Variants in CSMD1 observed in about 807,000 individuals in gnomAD.
CSMD1 encodes the protein CUB and Sushi multiple domains 1.
CSMD1 carries 213 observed loss-of-function variants against 417.5 expected under a neutral mutation model. The observed-to-expected ratio is 0.51, with a 90% confidence interval of 0.46 to 0.57. The LOEUF is 0.57. Among genes scored for constraint, CSMD1 ranks in the 20% least tolerant of loss-of-function variants. The pLI is 0.00. For missense variants in CSMD1, 6,923 were observed against 4,529.7 expected (o/e 1.53, Z -15.17); for synonymous variants, 2,862 against 1,736.8 (o/e 1.65, Z -16.11).
Position 3,998,086 on chromosome 8 carries a change from A to G in CSMD1, c.635T>C (p.Leu212Ser), listed in dbSNP as rs1258815785. ...CRAEGACGGT[L>S]RGTSSSISSP... ...GGAGATGGAGCTGCTGGTCCCGCGT[A>G]AGGTTCCTCCGCAGGCTCCCTCAGC... Residue 212 changes from leucine (L) to serine (S), a missense_variant, in exon 5 of 70, where the codon TTA becomes TCA. Leu to Ser is a moderately radical substitution (Grantham distance 145, BLOSUM62 -2). Transcript: ENST00000635120. 1 of 1,581,316 alleles carries G rather than the reference A, an allele frequency of 6.3e-7. No individual in the cohort carries two copies. The highest frequency in any genetic ancestry group is 8.6e-7 in the Non-Finnish European group (1 of 1,162,846).
rs538981441 is a variant in CSMD1 at position 4,016,399 on chromosome 8, G to T, written c.610+15506C>A. ...GCTTCCCGAGATGATCGAGCCAGTG[G>T]CAGAGAAGATGCATGACCCTGCAGC... On this transcript the variant is annotated intron_variant, in intron 4 of 69. Coordinates refer to ENST00000635120, the MANE Select transcript of CSMD1 (RefSeq NM_033225.6). Among the ~76,000 whole-genome samples, 16 of 152,228 alleles carry T rather than the reference G, an allele frequency of 1.1e-4. 1 individual carries two copies. The South Asian group carries it at 3.3e-3, about 32-fold the overall frequency.
intron 2 of CSMD1, among the ~76,000 whole-genome samples, chr8:4,487,058 C>G (rs571881682): frequency 6.6e-6 from 1 of 152,224 alleles, no homozygotes; most frequent in South Asian, 2.1e-4. Context: ...TTTCCGCTTT[C>G]TAATTAAGTT....
At chr8:4,614,818 A>T (rs1167208477) in intron 2 of CSMD1, among the ~76,000 whole-genome samples, 1 of 152,240 alleles carries the variant, frequency 6.6e-6, no homozygotes, top group Admixed American at 6.5e-5. Context: ...CTTAAAAGAT[A>T]ATCAGACATT....
intron 3 of CSMD1, among the ~76,000 whole-genome samples, chr8:4,058,486 A>C (rs1798811046): frequency 6.6e-6 from 1 of 152,162 alleles, no homozygotes; most frequent in South Asian, 2.1e-4. Flanking sequence ...GCAAACAGGG[A>C]CAATTTGCCT....
chr8:3,440,595 G>A lies in CSMD1; in HGVS notation c.1561+28117C>T, dbSNP rs529029314. On this transcript the variant is annotated intron_variant, in intron 12 of 69. Coordinates refer to ENST00000635120, the MANE Select transcript of CSMD1 (RefSeq NM_033225.6). ...TAGACGATCACGTTACTTGCAAGTA[G>A]AGTCAGGTTTACTGTTTTTCTTTGC... Among the ~76,000 whole-genome samples, 31 of 152,260 alleles carry A rather than the reference G, an allele frequency of 2.0e-4. No individual in the cohort carries two copies. In the South Asian group the frequency reaches 6.2e-3, roughly 31 times the overall value.
chr8:3,775,159 G>GT (rs1002397247), intron 5 of CSMD1, among the ~76,000 whole-genome samples: 1 of 152,184 alleles, frequency 6.6e-6, no homozygotes, highest in Non-Finnish European at 1.5e-5. Flanking sequence ...AGGAACTACT[G>GT]TATTTCTTTA....
At chr8:3,968,940 A>T (rs1812877176) in intron 5 of CSMD1, among the ~76,000 whole-genome samples, 1 of 152,174 alleles carries the variant, frequency 6.6e-6, no homozygotes, top group Non-Finnish European at 1.5e-5. Flanking sequence ...ATTGAAACCG[A>T]CTACTCTTCT....
chr8:3,751,421 T>C (rs1239078670), intron 6 of CSMD1, among the ~76,000 whole-genome samples: 4 of 148,024 alleles, frequency 2.7e-5, no homozygotes, highest in Non-Finnish European at 4.5e-5. Flanking sequence ...TTTAATTAAA[T>C]ATAACTACAT....
chr8:4,528,078 A>G (rs866396158), intron 2 of CSMD1, among the ~76,000 whole-genome samples: 5 of 152,310 alleles, frequency 3.3e-5, no homozygotes, highest in Non-Finnish European at 7.3e-5. Context: ...ATTCAGCAGC[A>G]TATGCTTCAG....
At chr8:4,736,550 C>G (rs1810248960) in intron 1 of CSMD1, among the ~76,000 whole-genome samples, 1 of 152,088 alleles carries the variant, frequency 6.6e-6, no homozygotes, top group South Asian at 2.1e-4. Flanking sequence ...TGCGGGAAAA[C>G]CCCAGGGAAG....
In CSMD1 at chr8:4,255,810, G is replaced by T. The variant is rs186874180; in HGVS notation, c.415+164143C>A. The stretch of plus-strand genomic sequence containing the variant: ...CAGCTCCATTCCATGGCCTCCTCTG[G>T]GGCACTGGCTGGCCTTGGCCTTGCC... On this transcript the variant is annotated intron_variant, in intron 3 of 69. Coordinates refer to ENST00000635120, the MANE Select transcript of CSMD1 (RefSeq NM_033225.6). 5.3e-5 allele frequency among the ~76,000 whole-genome samples: 8 copies of T among 152,244 alleles called. No homozygotes were observed. The East Asian group carries it at 1.5e-3, about 29-fold the overall frequency.
chr8:4,939,714 A>C lies in CSMD1; in HGVS notation c.85+54618T>G, dbSNP rs187223703. 4.9e-4 allele frequency among the ~76,000 whole-genome samples: 75 copies of C among 152,312 alleles called. 1 individual carries two copies. In the East Asian group the frequency reaches 0.012, roughly 25 times the overall value. On this transcript the variant is annotated intron_variant, in intron 1 of 69. Transcript: ENST00000635120. ...AAATCAGAGGACAAGGAATAATTTC[A>C]AGTGATCTATTGTACAGCACAGAGA...
intron 3 of CSMD1, among the ~76,000 whole-genome samples, chr8:4,359,575 G>T (rs187399500): frequency 5.9e-5 from 9 of 152,320 alleles, no homozygotes; most frequent in Non-Finnish European, 1.2e-4. Context: ...GTTCCTTGGA[G>T]ATTACATGGT....
chr8:3,794,733 C>T (rs2623689), intron 5 of CSMD1, among the ~76,000 whole-genome samples: 151,832 of 152,200 alleles, frequency 1, 75,735 homozygotes, highest in Middle Eastern at 1. Context: ...CGATATCTCA[C>T]AGTTGCAACT....
chr8:4,657,427 T>C (rs140422682), intron 1 of CSMD1, among the ~76,000 whole-genome samples: 4 of 152,266 alleles, frequency 2.6e-5, no homozygotes, highest in Non-Finnish European at 4.4e-5. Context: ...CCTCTCTGTC[T>C]CTCTTTCTCA....
intron 7 of CSMD1, among the ~76,000 whole-genome samples, chr8:3,626,386 G>C (rs1027083688): frequency 2.6e-5 from 4 of 152,274 alleles, no homozygotes; most frequent in South Asian, 2.1e-4. Flanking sequence ...AGTAGCATTT[G>C]ACTAGGCCAG....
chr8:4,747,388 CAACT>C (rs1230376729), intron 1 of CSMD1, among the ~76,000 whole-genome samples: 1 of 152,074 alleles, frequency 6.6e-6, no homozygotes, highest in Admixed American at 6.5e-5. Context: ...GCGAGACACA[CAACT>C]AACAAGATTG....
chr8:3,387,677 T>A lies in CSMD1; in HGVS notation c.2599A>T (p.Thr867Ser). Residue 867 changes from threonine to serine, a missense_variant, in exon 18 of 70, where the codon ACG becomes TCG. Coordinates refer to ENST00000635120, the MANE Select transcript of CSMD1 (RefSeq NM_033225.6). ...TCCAGGCAGGAATCCGACTCAAGCGTCACACCTGGATGCACAGAACGAATG... is the reference window on the plus strand; with the variant it reads ...TCCAGGCAGGAATCCGACTCAAGCGACACACCTGGATGCACAGAACGAATG... Reference protein sequence around the residue: ...IGFLIHYESVTLESDSCLDPG... With the variant: ...IGFLIHYESVSLESDSCLDPG... 6.3e-7 allele frequency: 1 copy of A among 1,593,990 alleles called. No homozygotes were observed. Among genetic ancestry groups the A allele is most frequent in the South Asian group, 1.1e-5 (1 of 87,686 alleles).
chr8:4,077,762 A>G (rs933246845), intron 3 of CSMD1, among the ~76,000 whole-genome samples: 1 of 152,168 alleles, frequency 6.6e-6, no homozygotes, highest in African/African-American at 2.4e-5. Flanking sequence ...CTATTGCCCT[A>G]TGATAAGCAT....
Sources: allele counts gnomAD v4.1 joint callset (sites outside exome capture counted in the v4.1 genomes callset), GRCh38; gene constraint gnomAD v4.1.1; transcripts MANE v1.5; gene names NCBI Gene and HGNC (gene_info 2026-07-23, HGNC 2026-07-21).